GNAI1: variants seen among roughly 807,000 people sequenced by gnomAD.
The protein encoded by GNAI1 is guanine nucleotide-binding protein G(i) subunit alpha-1.
Under a neutral mutation model 38.9 loss-of-function variants are expected in GNAI1, and 11 were observed. The observed-to-expected ratio is 0.28, with a 90% CI of 0.18 to 0.47. The LOEUF is 0.47. Among genes scored for constraint, GNAI1 ranks in the 20% least tolerant of loss-of-function variants. The pLI, the probability that GNAI1 is intolerant of heterozygous loss-of-function variation, is 0.99. For missense variants in GNAI1, 317 were observed against 436.9 expected (o/e 0.73, Z 2.45); for synonymous variants, 166 against 145.1 (o/e 1.14, Z -1.04).
chr7:80,147,037 C>G (rs1787634904), intron 1 of GNAI1, among the ~76,000 whole-genome samples: 1 of 152,038 alleles, frequency 6.6e-6, no homozygotes, highest in Admixed American at 6.6e-5. Context: ...TAGGAATGAC[C>G]AAAAACTATA....
chr7:80,137,951 CT>C (rs1269768596), intron 1 of GNAI1, among the ~76,000 whole-genome samples: 1 of 152,110 alleles, frequency 6.6e-6, no homozygotes, highest in Non-Finnish European at 1.5e-5. Flanking sequence ...AAATTGTGAC[CT>C]TTTGGTTCTT....
At chr7:80,189,856 A>G (rs1376154681) in intron 3 of GNAI1, among the ~76,000 whole-genome samples, 1 of 151,866 alleles carries the variant, frequency 6.6e-6, no homozygotes, top group Non-Finnish European at 1.5e-5. Context: ...CCAAGGCACT[A>G]TGCCTGTGCC....
At chr7:80,178,757 C>T (rs895634359) in intron 1 of GNAI1, among the ~76,000 whole-genome samples, 1 of 152,148 alleles carries the variant, frequency 6.6e-6, no homozygotes, top group Admixed American at 6.6e-5. Context: ...GCAATATTCT[C>T]TTTACTGCAG....
At chr7:80,211,905 A>G (rs915561894) in intron 6 of GNAI1, among the ~76,000 whole-genome samples, 4 of 152,184 alleles carry the variant, frequency 2.6e-5, no homozygotes, top group African/African-American at 9.6e-5. Context: ...CCCTTGAACA[A>G]CGGGTTTAAG....
In GNAI1 at chr7:80,211,036, G is replaced by A; in HGVS notation, c.658G>A (p.Ala220Thr). ...KWIHCFEGVT[A>T]IIFCVALSDY... is the part of the protein sequence containing the mutation. ...GATTCATTGCTTCGAAGGAGTGACG[G>A]CGATCATCTTCTGTGTAGCACTGAG... The change falls in exon 6 of 8, where the codon GCG becomes ACG. Residue 220 changes from alanine to threonine, a missense_variant. By Grantham distance (58) the Ala-to-Thr change is moderately conservative (BLOSUM62 0). This residue lies in a region of GNAI1 where 158 missense variants were observed against 234.7 expected (regional missense o/e 0.67). Coordinates refer to ENST00000649796, the MANE Select transcript of GNAI1 (RefSeq NM_002069.6). 6.2e-7 allele frequency: 1 copy of A among 1,613,152 alleles called. No individual in the cohort carries two copies. Among genetic ancestry groups the A allele is most frequent in the Non-Finnish European group, 8.5e-7 (1 of 1,179,124 alleles).
In GNAI1 at chr7:80,164,320, C is replaced by T. The variant is rs147373773; in HGVS notation, c.119-24631C>T. Among the ~76,000 whole-genome samples, 652 of 151,640 alleles carry T rather than the reference C, an allele frequency of 4.3e-3. 4 individuals are homozygous for T. Among genetic ancestry groups the T allele is most frequent in the African/African-American group, 0.014 (589 of 41,380 alleles). The stretch of plus-strand genomic sequence containing the variant: ...CCTCCCAAAGTGCTGGGATTACAGG[C>T]GTAAGCCACCGCACCTGGCTGCTTT... On this transcript the variant is annotated intron_variant, in intron 1 of 7. Coordinates refer to ENST00000649796, the MANE Select transcript of GNAI1 (RefSeq NM_002069.6).
rs11322122 is a variant in GNAI1 at position 80,160,203 on chromosome 7, GTT to G, written c.118+24938_118+24939del. Reference sequence around the variant, plus strand: ...CCTCTAAGTTAGGTTATTTTAGACAGTTTTTTTTTTTTTTAATGCAGCAGTCA... The same window carrying G: ...CCTCTAAGTTAGGTTATTTTAGACAGTTTTTTTTTTTTAATGCAGCAGTCA... On this transcript the variant is annotated intron_variant, in intron 1 of 7. Coordinates refer to ENST00000649796, the MANE Select transcript of GNAI1 (RefSeq NM_002069.6). Among the ~76,000 whole-genome samples, 150 of 145,308 alleles carry G rather than the reference GTT, an allele frequency of 1.0e-3. No individual in the cohort carries two copies. In the East Asian group the frequency reaches 0.015, roughly 14 times the overall value.
chr7:80,221,636 CTT>C lies in GNAI1; in HGVS notation c.*4167_*4168del, dbSNP rs71518978. On this transcript the variant is annotated 3_prime_UTR_variant, in exon 8 of 8. Transcript: ENST00000649796. ...ATTTTAATGTTAGGTTGGAAATTTTCTTTTTTTTTTTTTTTTTTTTTTTTTGG... is the reference window on the plus strand; with the variant it reads ...ATTTTAATGTTAGGTTGGAAATTTTCTTTTTTTTTTTTTTTTTTTTTTTGG... 0.2 allele frequency among the ~76,000 whole-genome samples: 19,322 copies of C among 96,176 alleles called. 1,674 individuals carry two copies. Among genetic ancestry groups the C allele is most frequent in the Middle Eastern group, 0.39 (41 of 106 alleles). The allele number at this position is 96,176 out of a possible 152,430, so 63.1% of individuals were successfully genotyped here. A position where few individuals can be genotyped will look rare whatever the true frequency, so the allele number is the denominator to read the frequency against.
chr7:80,160,126 T>G (rs1305097617), intron 1 of GNAI1, among the ~76,000 whole-genome samples: 1 of 152,048 alleles, frequency 6.6e-6, no homozygotes, highest in Non-Finnish European at 1.5e-5. Context: ...TCTGCTTCTG[T>G]AAGTATCACA....
chr7:80,196,282 T>TGC (rs2115657958), intron 3 of GNAI1, among the ~76,000 whole-genome samples: 1 of 152,112 alleles, frequency 6.6e-6, no homozygotes, highest in Non-Finnish European at 1.5e-5. Flanking sequence ...AAGGAATTTT[T>TGC]CTGTCAAATA....
chr7:80,202,337 C>T (rs931793835), intron 4 of GNAI1, among the ~76,000 whole-genome samples: 5 of 152,266 alleles, frequency 3.3e-5, no homozygotes, highest in African/African-American at 1.2e-4. Flanking sequence ...ATCCGCCCAC[C>T]TCGGCCTCAC....
chr7:80,137,721 A>G (rs1562819738), intron 1 of GNAI1, among the ~76,000 whole-genome samples: 1 of 152,054 alleles, frequency 6.6e-6, no homozygotes, highest in African/African-American at 2.4e-5. Context: ...TGTCTTTTCT[A>G]GCTTTGGTCT....
In GNAI1 at chr7:80,174,836, G is replaced by A. The variant is rs565676868; in HGVS notation, c.119-14115G>A. Among the ~76,000 whole-genome samples, 23 of 152,216 alleles carry A rather than the reference G, an allele frequency of 1.5e-4. No individual in the cohort carries two copies. The East Asian group carries it at 4.4e-3, about 29-fold the overall frequency. On this transcript the variant is annotated intron_variant, in intron 1 of 7. Transcript: ENST00000649796. ...GAGGTGCTTTACCCCATGTCATTCA[G>A]GGATCCAAGTACTAGTAGTCAGTCA... is the stretch of plus-strand genomic sequence containing the variant.
intron 3 of GNAI1, among the ~76,000 whole-genome samples, chr7:80,196,566 A>G (rs1414651530): frequency 6.6e-6 from 1 of 152,010 alleles, no homozygotes; most frequent in Non-Finnish European, 1.5e-5. Context: ...TATTTTAGAT[A>G]ATGAATCATT....
At chr7:80,194,984 T>A (rs987154706) in intron 3 of GNAI1, among the ~76,000 whole-genome samples, 3 of 152,032 alleles carry the variant, frequency 2.0e-5, no homozygotes, top group African/African-American at 7.2e-5. Flanking sequence ...TTTGTTTTGA[T>A]TCTGAAAAAT....
chr7:80,203,795 G>A lies in GNAI1; in HGVS notation c.553G>A (p.Val185Ile), dbSNP rs1173391823. Residue 185 changes from valine (V) to isoleucine (I), a missense_variant, in exon 5 of 8, where the codon GTT becomes ATT. Transcript: ENST00000649796. Reference sequence around the variant, plus strand: ...AACTAGAGTGAAAACTACAGGAATTGTTGAAACCCATTTTACTTTCAAAGA... The same window carrying A: ...AACTAGAGTGAAAACTACAGGAATTATTGAAACCCATTTTACTTTCAAAGA... Reference protein sequence around the residue: ...LRTRVKTTGIVETHFTFKDLH... With the variant: ...LRTRVKTTGIIETHFTFKDLH... 1 of 1,579,268 alleles carries A rather than the reference G, an allele frequency of 6.3e-7. No homozygotes were observed. Among genetic ancestry groups the A allele is most frequent in the East Asian group, 2.3e-5 (1 of 44,276 alleles).
intron 1 of GNAI1, among the ~76,000 whole-genome samples, chr7:80,155,039 TC>T (rs1787795047): frequency 6.6e-6 from 1 of 152,248 alleles, no homozygotes; most frequent in African/African-American, 2.4e-5. Context: ...GCTTATTTTT[TC>T]CATTATAGCC....
chr7:80,208,224 T>G (rs1788810864), intron 5 of GNAI1, among the ~76,000 whole-genome samples: 1 of 152,154 alleles, frequency 6.6e-6, no homozygotes, highest in South Asian at 2.1e-4. Flanking sequence ...GTTTAAACTC[T>G]TATCTTTTTA....
intron 1 of GNAI1, among the ~76,000 whole-genome samples, chr7:80,156,818 T>C (rs749809132): frequency 5.1e-4 from 77 of 152,174 alleles, no homozygotes; most frequent in Non-Finnish European, 7.9e-4. Flanking sequence ...AGAGTAGTTT[T>C]AGGTTCACAG....
Sources: allele counts gnomAD v4.1 joint callset (sites outside exome capture counted in the v4.1 genomes callset), GRCh38; gene constraint gnomAD v4.1.1; regional missense constraint gnomAD v4.1.1; transcripts MANE v1.5; gene names NCBI Gene and HGNC (gene_info 2026-07-23, HGNC 2026-07-21).